The following HPSE2 variants were observed in gnomAD, a reference collection of about 807,000 sequenced individuals.
HPSE2 encodes the protein inactive heparanase-2.
In HPSE2, 38 loss-of-function variants were observed where a neutral mutation model predicts 60.5. The observed-to-expected ratio is 0.63, with a 90% CI of 0.48 to 0.82. The LOEUF (loss-of-function observed/expected upper bound fraction) is 0.82, where lower values mean the gene tolerates loss of function less well. Among genes scored for constraint, HPSE2 ranks in the 40% least tolerant of loss-of-function variants. HPSE2 has a pLI of 0.00. For missense variants in HPSE2, 713 were observed against 740.4 expected, an observed-to-expected ratio of 0.96 and a Z score of 0.43; for synonymous variants, 295 against 293.2, an observed-to-expected ratio of 1.01 and a Z score of -0.06.
chr10:99,090,007 T>G (rs1843457630), intron 3 of HPSE2, among the ~76,000 whole-genome samples: 1 of 152,220 alleles, frequency 6.6e-6, no homozygotes, highest in Non-Finnish European at 1.5e-5. Context: ...GGCTACTGAT[T>G]TGTATACATT....
At chr10:98,484,838 G>A (rs1941381358) in intron 10 of HPSE2, among the ~76,000 whole-genome samples, 1 of 152,248 alleles carries the variant, frequency 6.6e-6, no homozygotes, top group Middle Eastern at 3.4e-3. Flanking sequence ...GCATGTATCA[G>A]CAAAACTATA....
At chr10:99,266,882 A>G in the HPSE2 span, among the ~76,000 whole-genome samples, 1 of 152,172 alleles carries the variant, frequency 6.6e-6, no homozygotes, top group African/African-American at 2.4e-5. Context: ...CTGGGAGACT[A>G]GATCCAGAAG....
intron 3 of HPSE2, among the ~76,000 whole-genome samples, chr10:99,077,435 A>C (rs540946221): frequency 6.6e-6 from 1 of 151,828 alleles, no homozygotes; most frequent in South Asian, 2.1e-4. Flanking sequence ...CATCTGACTG[A>C]ATAATTTCTG....
At chr10:98,780,586 T>C (rs903855779) in intron 3 of HPSE2, among the ~76,000 whole-genome samples, 6 of 152,026 alleles carry the variant, frequency 3.9e-5, no homozygotes, top group Admixed American at 3.3e-4. Flanking sequence ...GGGGACTGAA[T>C]AGTGGAGATT....
the HPSE2 span, among the ~76,000 whole-genome samples, chr10:99,296,835 A>G: frequency 6.6e-6 from 1 of 152,180 alleles, no homozygotes; most frequent in Non-Finnish European, 1.5e-5. Flanking sequence ...GCCAGGCGGC[A>G]GTCAGAGATC....
chr10:98,654,215 T>G (rs1482389477), intron 6 of HPSE2, among the ~76,000 whole-genome samples: 2 of 152,190 alleles, frequency 1.3e-5, no homozygotes, highest in Non-Finnish European at 2.9e-5. Context: ...TTCCCTGAGC[T>G]TCCTGGATCT....
In HPSE2 at chr10:98,708,455, CAA is replaced by C. The variant is rs35950365; in HGVS notation, c.956+13200_956+13201del. On this transcript the variant is annotated intron_variant, in intron 5 of 11. Transcript: ENST00000370552. ...TGGGCGACAGAGTGAGACTACGTCTCAAAAAAAAAAAAAAAAATTCAATCCCA... is the reference window on the plus strand; with the variant it reads ...TGGGCGACAGAGTGAGACTACGTCTCAAAAAAAAAAAAAAATTCAATCCCA... Among the ~76,000 whole-genome samples the C allele has an allele frequency of 3.6e-3, 428 of 119,670 alleles. 1 individual carries two copies. The highest frequency in any genetic ancestry group is 0.013 in the Middle Eastern group (3 of 240). The allele number at this position is 119,670 out of a possible 152,430, so 78.5% of individuals were successfully genotyped here. A position where few individuals can be genotyped will look rare whatever the true frequency, so the allele number is the denominator to read the frequency against.
rs142772358 is a variant in HPSE2 at position 98,552,620 on chromosome 10, C to T, written c.1320+62284G>A. ...CTTATTTCAACCTATCAAAATTCTTCGACAACATTTCATCAATTCTATGAT... is the reference window on the plus strand; with the variant it reads ...CTTATTTCAACCTATCAAAATTCTTTGACAACATTTCATCAATTCTATGAT... On this transcript the variant is annotated intron_variant, in intron 9 of 11. Transcript: ENST00000370552. Among the ~76,000 whole-genome samples, 44 of 152,228 alleles carry T rather than the reference C, an allele frequency of 2.9e-4. 1 individual carries two copies. The highest frequency in any genetic ancestry group is 3.4e-3 in the Middle Eastern group (1 of 294).
At chr10:99,251,275 T>G in the HPSE2 span, among the ~76,000 whole-genome samples, 1,580 of 152,174 alleles carry the variant, frequency 0.01, 13 homozygotes, top group Non-Finnish European at 0.015. Flanking sequence ...TCATACAATC[T>G]CTCAAAATTG....
At chr10:98,838,286 A>T (rs981763985) in intron 3 of HPSE2, among the ~76,000 whole-genome samples, 2 of 152,200 alleles carry the variant, frequency 1.3e-5, no homozygotes, top group African/African-American at 4.8e-5. Context: ...AATCTGTAAG[A>T]TGTAGATAAT....
At chr10:98,897,110 C>T (rs113680647) in intron 3 of HPSE2, among the ~76,000 whole-genome samples, 6 of 152,194 alleles carry the variant, frequency 3.9e-5, no homozygotes, top group African/African-American at 1.2e-4. Flanking sequence ...TGTATGTTCT[C>T]ACTTATAAGT....
At chr10:99,015,137 A>G (rs908617185) in intron 3 of HPSE2, among the ~76,000 whole-genome samples, 1 of 151,950 alleles carries the variant, frequency 6.6e-6, no homozygotes, top group African/African-American at 2.4e-5. Flanking sequence ...CACACCAGTT[A>G]GAATGGCAAT....
chr10:99,045,448 A>T (rs1436592552), intron 3 of HPSE2, among the ~76,000 whole-genome samples: 4 of 152,082 alleles, frequency 2.6e-5, no homozygotes, highest in African/African-American at 9.7e-5. Context: ...AAAAGAACAA[A>T]CCAACCCTAA....
intron 3 of HPSE2, among the ~76,000 whole-genome samples, chr10:98,902,214 T>C (rs1297326591): frequency 3.9e-5 from 6 of 152,176 alleles, no homozygotes; most frequent in Non-Finnish European, 2.9e-5. Context: ...GAAGTAGTAC[T>C]TGAATACAGT....
At chr10:98,565,607 T>C (rs1246905629) in intron 9 of HPSE2, among the ~76,000 whole-genome samples, 2 of 152,212 alleles carry the variant, frequency 1.3e-5, no homozygotes, top group Admixed American at 6.5e-5. Flanking sequence ...GCCATGTCTT[T>C]GTTATTGTAA....
intron 3 of HPSE2, among the ~76,000 whole-genome samples, chr10:99,012,215 T>C (rs1218043435): frequency 2.0e-5 from 3 of 152,136 alleles, no homozygotes; most frequent in Non-Finnish European, 4.4e-5. Context: ...CAATTTATGA[T>C]AGACTGATTA....
intron 3 of HPSE2, among the ~76,000 whole-genome samples, chr10:98,810,825 A>T (rs1340802984): frequency 6.6e-6 from 1 of 152,174 alleles, no homozygotes; most frequent in Non-Finnish European, 1.5e-5. Context: ...AACTTTACAA[A>T]TTTGTGTTGT....
At chr10:98,926,541 T>C (rs964815769) in intron 3 of HPSE2, among the ~76,000 whole-genome samples, 1 of 152,118 alleles carries the variant, frequency 6.6e-6, no homozygotes, top group Admixed American at 6.5e-5. Context: ...AAAAGTTTGG[T>C]CCCCTTAAAC....
At chr10:98,745,517 A>AT (rs1949608573) in intron 3 of HPSE2, among the ~76,000 whole-genome samples, 1 of 151,874 alleles carries the variant, frequency 6.6e-6, no homozygotes, top group Admixed American at 6.6e-5. Context: ...CTCACCCATA[A>AT]TTTTCCCCTC....
Sources: allele counts gnomAD v4.1 joint callset (sites outside exome capture counted in the v4.1 genomes callset), GRCh38; gene constraint gnomAD v4.1.1; transcripts MANE v1.5; gene names NCBI Gene and HGNC (gene_info 2026-07-23, HGNC 2026-07-21).